Variants in KIF11 observed in about 807,000 individuals in gnomAD.
KIF11 encodes kinesin family member 11, also known as kinesin-like protein KIF11.
A neutral mutation model predicts 121.0 loss-of-function variants in KIF11; 9 were observed. The observed-to-expected ratio is 0.07, with a 90% CI of 0.04 to 0.13. The LOEUF is 0.13. Ranked by LOEUF, KIF11 falls within the 10% of genes least tolerant of loss-of-function variation. KIF11 has a pLI of 1.00. For synonymous variants in KIF11, 408 were observed against 421.0 expected (o/e 0.97, Z 0.38); for missense variants, 846 against 1,217.5 (o/e 0.69, Z 4.54).
At chr10:92,615,677 A>T (rs1326678827) in intron 8 of KIF11, among the ~76,000 whole-genome samples, 2 of 151,990 alleles carry the variant, frequency 1.3e-5, no homozygotes, top group East Asian at 3.9e-4. Flanking sequence ...ATATTTGCCT[A>T]TTCTGGGTAT....
chr10:92,595,280 G>A (rs536128560), intron 1 of KIF11, among the ~76,000 whole-genome samples: 1 of 152,228 alleles, frequency 6.6e-6, no homozygotes, highest in African/African-American at 2.4e-5. Context: ...GGCTGGTCTC[G>A]AACTCCTGAC....
At chr10:92,641,011 G>A (rs1844860162) in intron 17 of KIF11, among the ~76,000 whole-genome samples, 1 of 152,194 alleles carries the variant, frequency 6.6e-6, no homozygotes, top group South Asian at 2.1e-4. Context: ...GCCTCCCAAA[G>A]TGCTGGGATT....
rs367820453 is a variant in KIF11 at position 92,648,088 on chromosome 10, A to T, written c.2548-124A>T. The T allele has an allele frequency of 4.7e-6, 3 of 640,228 alleles. No individual in the cohort carries two copies. In the African/African-American group the frequency reaches 6.6e-5, roughly 14 times the overall value. 39.7% of individuals were successfully genotyped at this position (640,228 alleles called of 1,614,324 possible). ...CATGCCACTGCACTCCAGCCTGGGC[A>T]ACAGAGTGAGACTTGTCTCCAAAAA... On this transcript the variant is annotated intron_variant, in intron 18 of 21. Transcript: ENST00000260731.
Position 92,632,474 on chromosome 10 carries a change from T to C in KIF11, c.1495-12T>C, listed in dbSNP as rs1844749132. The C allele has an allele frequency of 6.4e-7, 1 of 1,554,394 alleles. No homozygotes were observed. The highest frequency in any genetic ancestry group is 8.9e-7 in the Non-Finnish European group (1 of 1,129,420). On this transcript the variant is annotated splice_polypyrimidine_tract_variant and intron_variant, in intron 12 of 21. Coordinates refer to ENST00000260731, the MANE Select transcript of KIF11 (RefSeq NM_004523.4). ...TATCCATTTTGTCTAACACTTATTT[T>C]TAAAAATATAGCTGCTTAACACAGT...
intron 17 of KIF11, among the ~76,000 whole-genome samples, chr10:92,644,313 TTTG>T (rs1844897500): frequency 6.6e-6 from 1 of 152,006 alleles, no homozygotes; most frequent in African/African-American, 2.4e-5. Flanking sequence ...GTTGTGAGAT[TTTG>T]TTTTGTTTTT....
At chr10:92,633,962 C>CAT (rs992335758) in intron 14 of KIF11, among the ~76,000 whole-genome samples, 167 bp downstream of exon 14, 29 of 151,994 alleles carry the variant, frequency 1.9e-4, no homozygotes, top group East Asian at 9.6e-4. Context: ...TGAGAGACTA[C>CAT]ATATATATAT....
chr10:92,600,092 G>A (rs1421244972), intron 1 of KIF11, among the ~76,000 whole-genome samples: 2 of 149,478 alleles, frequency 1.3e-5, no homozygotes, highest in African/African-American at 2.5e-5. Flanking sequence ...TGCAACCTCC[G>A]CCTCCCGGGT....
intron 18 of KIF11, 39 bp downstream of exon 18, chr10:92,645,681 A>G: frequency 7.1e-7 from 1 of 1,414,954 alleles, no homozygotes; most frequent in Non-Finnish European, 9.6e-7. Context: ...TGGGGAGAAT[A>G]ATAATCAGAA....
chr10:92,630,060 A>C (rs1275851399), intron 11 of KIF11, 116 bp from the exon 12 acceptor site: 4 of 580,604 alleles, frequency 6.9e-6, no homozygotes, highest in Non-Finnish European at 1.2e-5. Context: ...GTGTTAACCT[A>C]CCGGGTAACT....
intron 12 of KIF11, 68 bp from the exon 13 acceptor site, chr10:92,632,418 T>C: frequency 9.9e-7 from 1 of 1,011,772 alleles, no homozygotes; most frequent in East Asian, 2.4e-5. Flanking sequence ...TAAATCCTTG[T>C]GTAGATACTT....
At chr10:92,612,708 A>C (rs538721673) in intron 6 of KIF11, among the ~76,000 whole-genome samples, 22 of 152,322 alleles carry the variant, frequency 1.4e-4, no homozygotes, top group Admixed American at 9.8e-4. Flanking sequence ...GTTCTTATGA[A>C]TAGAAGATGA....
At chr10:92,618,604 A>G (rs897809211) in intron 9 of KIF11, among the ~76,000 whole-genome samples, 3 of 149,948 alleles carry the variant, frequency 2.0e-5, no homozygotes, top group African/African-American at 7.5e-5. Context: ...AGATCGAGCC[A>G]CTGTACTACA....
At chr10:92,639,719 G>C (rs1844844866) in intron 16 of KIF11, 75 bp from the exon 17 acceptor site, 4 of 775,780 alleles carry the variant, frequency 5.2e-6, no homozygotes, top group Non-Finnish European at 8.7e-6. Flanking sequence ...AATACTTCTT[G>C]TTTTGTTATC....
chr10:92,612,122 TGCTTGTTTG>T (rs1844503805), intron 6 of KIF11, among the ~76,000 whole-genome samples: 2 of 151,308 alleles, frequency 1.3e-5, no homozygotes, highest in Non-Finnish European at 2.9e-5. Context: ...TTTTTTTGTT[TGCTTGTTTG>T]TTTTTTTGTG....
rs564054142 is a variant in KIF11 at position 92,619,318 on chromosome 10, A to G, written c.1129-2067A>G. The stretch of plus-strand genomic sequence containing the variant: ...AGGCTTGAGCCACTGCACCCAGCAG[A>G]TCTTTCTTTTTTAGTACTAAGTAGT... On this transcript the variant is annotated intron_variant, in intron 9 of 21. Coordinates refer to ENST00000260731, the MANE Select transcript of KIF11 (RefSeq NM_004523.4). 6.6e-5 allele frequency among the ~76,000 whole-genome samples: 10 copies of G among 152,202 alleles called. No homozygotes were observed. The South Asian group carries it at 1.7e-3, about 25-fold the overall frequency.
At chr10:92,602,916 C>T (rs550697011) in intron 1 of KIF11, among the ~76,000 whole-genome samples, 3 of 151,068 alleles carry the variant, frequency 2.0e-5, no homozygotes, top group African/African-American at 7.3e-5. Context: ...GGTGCAATGG[C>T]GCGATCTCGG....
At chr10:92,630,816 G>T (rs568977371) in intron 12 of KIF11, among the ~76,000 whole-genome samples, 1 of 120,810 alleles carries the variant, frequency 8.3e-6, no homozygotes, top group Admixed American at 1.1e-4. Context: ...GCGGTGAGCC[G>T]AAATCACACC....
intron 16 of KIF11, among the ~76,000 whole-genome samples, chr10:92,638,847 C>A (rs546574478): frequency 6.6e-6 from 1 of 152,266 alleles, no homozygotes; most frequent in Non-Finnish European, 1.5e-5. Flanking sequence ...GTATTGTCAA[C>A]TGATGTGTTA....
At chr10:92,653,524 C>T in intron 21 of KIF11, 141 bp from the exon 22 acceptor site, 1 of 660,022 alleles carries the variant, frequency 1.5e-6, no homozygotes, top group East Asian at 2.7e-5. Context: ...ATTGTTGGCT[C>T]AAACTTGTGC....
Sources: gnomAD v4.1 joint callset for allele counts (sites outside exome capture counted in the v4.1 genomes callset) on GRCh38, gnomAD v4.1.1 for gene constraint, MANE v1.5 for transcripts, NCBI Gene and HGNC (gene_info 2026-07-23, HGNC 2026-07-21) for gene names.